Variants in CDH2 observed in about 807,000 individuals in gnomAD.
CDH2 encodes cadherin 2.
CDH2 carries 17 observed loss-of-function variants against 92.0 expected under a neutral mutation model. That is an observed-to-expected ratio of 0.18 (90% CI 0.13 to 0.28). CDH2 has a LOEUF of 0.28. Among genes scored for constraint, CDH2 ranks in the 10% least tolerant of loss-of-function variants. The pLI, the probability that CDH2 is intolerant of heterozygous loss-of-function variation, is 1.00. For missense variants in CDH2, 862 were observed against 1,133.1 expected (o/e 0.76, Z 3.44); for synonymous variants, 419 against 415.9 (o/e 1.01, Z -0.09).
At chr18:27,958,504 TA>T (rs1246462516) in intron 15 of CDH2, among the ~76,000 whole-genome samples, 1 of 97,532 alleles carries the variant, frequency 1.0e-5, no homozygotes, top group Non-Finnish European at 2.9e-5. Context: ...TACATATTTA[TA>T]TATGTATATA....
chr18:28,093,994 G>C (rs2015082118), intron 2 of CDH2, among the ~76,000 whole-genome samples: 2 of 152,136 alleles, frequency 1.3e-5, no homozygotes, highest in African/African-American at 4.8e-5. Flanking sequence ...ACACACCAAT[G>C]AATCTAAATT....
intron 6 of CDH2, among the ~76,000 whole-genome samples, chr18:28,005,363 A>C (rs902369503): frequency 2.0e-5 from 3 of 152,178 alleles, no homozygotes; most frequent in African/African-American, 7.2e-5. Flanking sequence ...GGCAGCAATC[A>C]CAGATGTTAC....
At chr18:28,142,916 TAAA>T (rs529240153) in intron 2 of CDH2, among the ~76,000 whole-genome samples, 2 of 152,022 alleles carry the variant, frequency 1.3e-5, no homozygotes, top group African/African-American at 4.8e-5. Flanking sequence ...CTCATATTAT[TAAA>T]AAATAGAAGA....
At chr18:28,091,288 T>C (rs2015033278) in intron 2 of CDH2, among the ~76,000 whole-genome samples, 1 of 152,208 alleles carries the variant, frequency 6.6e-6, no homozygotes, top group African/African-American at 2.4e-5. Flanking sequence ...TTCCCCCCTC[T>C]GTTCTTAAAT....
intron 2 of CDH2, among the ~76,000 whole-genome samples, chr18:28,056,074 G>A (rs754710233): frequency 6.9e-6 from 1 of 144,746 alleles, no homozygotes; most frequent in South Asian, 2.4e-4. Flanking sequence ...AGGTATAAAA[G>A]ATTTTTTTTT....
chr18:28,024,902 G>A (rs1303599632), intron 2 of CDH2, among the ~76,000 whole-genome samples: 2 of 151,824 alleles, frequency 1.3e-5, no homozygotes, highest in East Asian at 1.9e-4. Context: ...GAAAAAGGGA[G>A]GGAAGACAGA....
At chr18:28,072,686 G>A (rs959041986) in intron 2 of CDH2, among the ~76,000 whole-genome samples, 12 of 152,136 alleles carry the variant, frequency 7.9e-5, no homozygotes, top group African/African-American at 2.9e-4. Context: ...ACACAGGAAG[G>A]CTTTCTGAGC....
At chr18:27,992,633 C>G in intron 9 of CDH2, 22 bp downstream of exon 9, 1 of 1,594,740 alleles carries the variant, frequency 6.3e-7, no homozygotes, top group South Asian at 1.1e-5. Flanking sequence ...TTGGAGAGAT[C>G]AGTGGCCCGA....
chr18:27,954,251 T>G (rs1010755124), intron 15 of CDH2, among the ~76,000 whole-genome samples: 2 of 152,190 alleles, frequency 1.3e-5, no homozygotes, highest in Non-Finnish European at 2.9e-5. Flanking sequence ...AACCTACAAT[T>G]TCTCAAAACT....
At chr18:28,063,255 T>G (rs1270733839) in intron 2 of CDH2, among the ~76,000 whole-genome samples, 1 of 152,204 alleles carries the variant, frequency 6.6e-6, no homozygotes, top group Non-Finnish European at 1.5e-5. Context: ...GCTTAACCAT[T>G]TTACTGAACA....
intron 1 of CDH2, among the ~76,000 whole-genome samples, chr18:28,153,679 A>G (rs1270587845): frequency 6.6e-6 from 1 of 152,218 alleles, no homozygotes; most frequent in African/African-American, 2.4e-5. Flanking sequence ...CTCTGAGAAG[A>G]AACAGTTCCC....
intron 7 of CDH2, among the ~76,000 whole-genome samples, chr18:28,000,240 C>T (rs910627099): frequency 2.6e-5 from 4 of 152,030 alleles, no homozygotes; most frequent in Non-Finnish European, 5.9e-5. Flanking sequence ...GTGGCTGGGA[C>T]TACAGGTGCA....
chr18:28,001,107 T>C (rs1335491786), intron 7 of CDH2, among the ~76,000 whole-genome samples: 5 of 152,194 alleles, frequency 3.3e-5, no homozygotes, highest in Non-Finnish European at 7.3e-5. Context: ...TCATACTGTA[T>C]CTAACCCATA....
intron 7 of CDH2, among the ~76,000 whole-genome samples, chr18:27,999,724 T>TTG (rs1161498049): frequency 6.6e-6 from 1 of 151,428 alleles, no homozygotes; most frequent in Admixed American, 6.6e-5. Context: ...GTGTGTGTGT[T>TTG]TGTGTATATA....
chr18:28,076,780 C>A (rs973139238), intron 2 of CDH2, among the ~76,000 whole-genome samples: 1 of 150,676 alleles, frequency 6.6e-6, no homozygotes, highest in Non-Finnish European at 1.5e-5. Flanking sequence ...TGAGGAGGCC[C>A]TTTTCATTTA....
intron 1 of CDH2, among the ~76,000 whole-genome samples, chr18:28,165,709 C>CT (rs10540750): frequency 1.2e-3 from 178 of 144,436 alleles, no homozygotes; most frequent in South Asian, 1.1e-3. Context: ...AGTCCCCAAT[C>CT]TTTTTTTTTT....
chr18:27,987,143 TATACATACATAC>T (rs573406711), intron 11 of CDH2, among the ~76,000 whole-genome samples: 1 of 152,130 alleles, frequency 6.6e-6, no homozygotes, highest in Non-Finnish European at 1.5e-5. Flanking sequence ...TCACAACCAA[TATACATACATAC>T]ATACATACAT....
At chr18:27,961,085 C>T (rs893640160) in intron 15 of CDH2, among the ~76,000 whole-genome samples, 1 of 151,182 alleles carries the variant, frequency 6.6e-6, no homozygotes, top group South Asian at 2.1e-4. Flanking sequence ...CAAACACACA[C>T]TCAAACATAA....
chr18:28,154,590 G>A (rs2016179449), intron 1 of CDH2, among the ~76,000 whole-genome samples: 1 of 152,184 alleles, frequency 6.6e-6, no homozygotes, highest in African/African-American at 2.4e-5. Context: ...CATTGTTTTT[G>A]TTCTTGTTCA....
Sources: allele counts gnomAD v4.1 joint callset (sites outside exome capture counted in the v4.1 genomes callset), GRCh38; gene constraint gnomAD v4.1.1; transcripts MANE v1.5; gene names NCBI Gene and HGNC (gene_info 2026-07-23, HGNC 2026-07-21).